SIN3B: variants seen among roughly 807,000 people sequenced by gnomAD.
SIN3B encodes paired amphipathic helix protein Sin3b.
Under a neutral mutation model 120.2 loss-of-function variants are expected in SIN3B, and 19 were observed. That is an observed-to-expected ratio of 0.16 (90% CI 0.11 to 0.23). SIN3B has a LOEUF of 0.23. SIN3B is among the 10% of genes least tolerant of loss of function. SIN3B has a pLI of 1.00. For synonymous variants in SIN3B, 654 were observed against 653.2 expected (o/e 1.00, Z -0.02); for missense variants, 1,073 against 1,573.0 (o/e 0.68, Z 5.38).
intron 5 of SIN3B, among the ~76,000 whole-genome samples, chr19:16,848,018 T>C: frequency 6.6e-6 from 1 of 152,230 alleles, no homozygotes; most frequent in East Asian, 1.9e-4. Flanking sequence ...GTGGCCTTTG[T>C]GTCTGGCTCC....
intron 4 of SIN3B, chr19:16,846,536 T>C (rs1971481038): frequency 6.4e-6 from 1 of 157,134 alleles, no homozygotes; most frequent in African/African-American, 2.4e-5. Flanking sequence ...CTTTAAGGTC[T>C]GGATCAGGCC....
rs1393540351 is a variant in SIN3B, at chr19:16,877,607, G to A, written c.2922G>A (p.Glu974=). 6.2e-7 allele frequency: 1 copy of A among 1,612,270 alleles called. No homozygotes were observed. The highest frequency in any genetic ancestry group is 1.7e-5 in the Admixed American group (1 of 59,822). ...GTEGASSSPT[E]GFLLKPVFLQ... ...AGGGCGCGTCCAGCTCGCCCACTGAGGGCTTCCTCCTGAAACCTGTGTTCC... is the reference window on the plus strand; with the variant it reads ...AGGGCGCGTCCAGCTCGCCCACTGAAGGCTTCCTCCTGAAACCTGTGTTCC... The change falls in exon 17 of 19, where the codon GAG becomes GAA. Residue 974 remains glutamate (E), a synonymous_variant. Coordinates refer to ENST00000248054, the MANE Select transcript of SIN3B (RefSeq NM_001297595.2).
At chr19:16,859,631 A>C (rs972836665) in intron 8 of SIN3B, among the ~76,000 whole-genome samples, 1 of 152,118 alleles carries the variant, frequency 6.6e-6, no homozygotes, top group African/African-American at 2.4e-5. Context: ...CGCCCTGAAG[A>C]ACAGCCCAGA....
chr19:16,869,296 C>G (rs1220037439), intron 12 of SIN3B, among the ~76,000 whole-genome samples, 164 bp from the exon 13 acceptor site: 1 of 152,196 alleles, frequency 6.6e-6, no homozygotes, highest in Non-Finnish European at 1.5e-5. Flanking sequence ...GGCAAGCGAC[C>G]TACCCCCCAG....
At chr19:16,838,608 T>C (rs1971377275) in intron 3 of SIN3B, among the ~76,000 whole-genome samples, 1 of 152,182 alleles carries the variant, frequency 6.6e-6, no homozygotes, top group African/African-American at 2.4e-5. Context: ...TTTCCACCTT[T>C]TGGCTGTTGT....
chr19:16,878,455 G>A, intron 18 of SIN3B, 42 bp from the exon 19 acceptor site: 1 of 1,572,478 alleles, frequency 6.4e-7, no homozygotes, highest in Non-Finnish European at 8.6e-7. Flanking sequence ...GGGCCCTGGG[G>A]GTCCAGCCCT....
intron 12 of SIN3B, among the ~76,000 whole-genome samples, chr19:16,867,546 G>A (rs1971793632): frequency 6.6e-6 from 1 of 152,178 alleles, no homozygotes; most frequent in Non-Finnish European, 1.5e-5. Context: ...CTGAGGAGGT[G>A]GCTTAGGAGG....
intron 3 of SIN3B, among the ~76,000 whole-genome samples, chr19:16,835,968 G>A (rs2144576331): frequency 6.6e-6 from 1 of 152,232 alleles, no homozygotes; most frequent in Admixed American, 6.5e-5. Context: ...AGTTTTTCTA[G>A]TTTGACTGTT....
At position 16,867,442 on chromosome 19, in the gene SIN3B, G is replaced by A. The variant is rs564750935; in HGVS notation, c.1806+886G>A. 1.2e-4 allele frequency among the ~76,000 whole-genome samples: 19 copies of A among 152,320 alleles called. 1 individual carries two copies. The highest frequency in any genetic ancestry group is 9.8e-4 in the Admixed American group (15 of 15,308). ...GAGCTGGGCCTGTTAGTAGCTGTGT[G>A]TAGGGAGTGCCTGCTTGCAGGATCC... is the stretch of plus-strand genomic sequence containing the variant. On this transcript the variant is annotated intron_variant, in intron 12 of 18. Coordinates refer to ENST00000248054, the MANE Select transcript of SIN3B (RefSeq NM_001297595.2).
chr19:16,866,476 G>T lies in SIN3B; in HGVS notation c.1726G>T (p.Ala576Ser). The change falls in exon 12 of 19, where the codon GCT (alanine) becomes TCT (serine). Residue 576 changes from alanine (A) to serine (S), a missense_variant. This residue lies in a region of SIN3B where 118 missense variants were observed against 281.6 expected (regional missense o/e 0.42). Transcript: ENST00000248054. Reference protein sequence around the residue: ...KAYLKSLDHQAVNFKQNDTKA... With the variant: ...KAYLKSLDHQSVNFKQNDTKA... ...GTACCTCAAGTCCCTTGACCACCAGGCTGTGAACTTCAAGCAGAACGACAC... is the reference window on the plus strand; with the variant it reads ...GTACCTCAAGTCCCTTGACCACCAGTCTGTGAACTTCAAGCAGAACGACAC... 6.2e-7 allele frequency: 1 copy of T among 1,613,996 alleles called. No homozygotes were observed. The highest frequency in any genetic ancestry group is 2.2e-5 in the East Asian group (1 of 44,856).
chr19:16,863,182 A>G (rs1971713387), intron 9 of SIN3B: 4 of 541,004 alleles, frequency 7.4e-6, no homozygotes, highest in South Asian at 2.5e-5. Context: ...GAATTTACCA[A>G]TGTCTGAAAT....
In SIN3B at chr19:16,846,691, G is replaced by A. The variant is rs118107038; in HGVS notation, c.583-279G>A. 5.5e-4 allele frequency among the ~76,000 whole-genome samples: 83 copies of A among 151,956 alleles called. 1 individual carries two copies. The East Asian group carries it at 8.9e-3, about 16-fold the overall frequency. On this transcript the variant is annotated intron_variant, in intron 4 of 18. Coordinates refer to ENST00000248054, the MANE Select transcript of SIN3B (RefSeq NM_001297595.2). ...TTCGCCCCTGACCTTGTACTTCCCCGGCCCACCCCTGATTACAGCCAGCCT... is the reference window on the plus strand; with the variant it reads ...TTCGCCCCTGACCTTGTACTTCCCCAGCCCACCCCTGATTACAGCCAGCCT...
chr19:16,829,506 C>G lies in SIN3B; in HGVS notation c.86C>G (p.Ser29Trp), dbSNP rs957542038. 5.7e-6 allele frequency: 7 copies of G among 1,224,570 alleles called. No individual in the cohort carries two copies. The African/African-American group carries it at 1.1e-4, about 19-fold the overall frequency. 75.9% of individuals were successfully genotyped at this position (1,224,570 alleles called of 1,614,324 possible). ...CTGAGCGGCGCCCGCTGGGGTCGCTCGGGCTCCGCAGGCCACGAGAAGCTG... is the reference window on the plus strand; with the variant it reads ...CTGAGCGGCGCCCGCTGGGGTCGCTGGGGCTCCGCAGGCCACGAGAAGCTG... ...RGLSGARWGR[S>W]GSAGHEKLPV... Residue 29 changes from serine (S) to tryptophan (W), a missense_variant, in exon 1 of 19, where the codon TCG (serine) becomes TGG (tryptophan). Ser to Trp is a radical substitution (Grantham distance 177). Coordinates refer to ENST00000248054, the MANE Select transcript of SIN3B (RefSeq NM_001297595.2).
intron 3 of SIN3B, among the ~76,000 whole-genome samples, chr19:16,840,728 A>C (rs1380303164): frequency 6.6e-6 from 1 of 152,140 alleles, no homozygotes; most frequent in Non-Finnish European, 1.5e-5. Flanking sequence ...ATCATCCCCA[A>C]CAGTGGGTGA....
rs1318182533 is a variant in SIN3B at position 16,876,014 on chromosome 19, A to C, written c.2593-41A>C. On this transcript the variant is annotated intron_variant, in intron 14 of 18. Transcript: ENST00000248054. This position sits in a 1 kb window ranked among gnomAD's most constrained non-coding sequence, Gnocchi z 7.1. ...CTGTGGGTGAGGTGGGGACTCCCGC[A>C]GGAGGCGGGGTGGCCGCACCACCTG... The C allele has an allele frequency of 1.3e-6, 2 of 1,523,274 alleles. No homozygotes were observed. The highest frequency in any genetic ancestry group is 1.8e-6 in the Non-Finnish European group (2 of 1,132,758). 94.4% of individuals were successfully genotyped at this position (1,523,274 alleles called of 1,614,324 possible). A position where few individuals can be genotyped will look rare whatever the true frequency, so the allele number is the denominator to read the frequency against.
At chr19:16,842,842 T>C (rs915887918) in intron 4 of SIN3B, among the ~76,000 whole-genome samples, 7 of 152,126 alleles carry the variant, frequency 4.6e-5, no homozygotes, top group African/African-American at 1.7e-4. Flanking sequence ...GACAGTCAGG[T>C]TGAATCTTGA....
intron 1 of SIN3B, 45 bp from the exon 2 acceptor site, chr19:16,829,746 T>C (rs749204844): frequency 1.4e-6 from 2 of 1,480,010 alleles, no homozygotes; most frequent in Non-Finnish European, 9.3e-7. Context: ...CCTCGTCCCC[T>C]CGTTCCGCGG....
Position 16,862,496 on chromosome 19 carries a change from C to T in SIN3B, c.1203C>T (p.Tyr401=). 6.2e-7 allele frequency: 1 copy of T among 1,614,162 alleles called. No individual in the cohort carries two copies. ...CCTGCAAGCGCATAGGATCCAGCTACCGGGCACTCCCCAAAACCTACCAGC... is the reference window on the plus strand; with the variant it reads ...CCTGCAAGCGCATAGGATCCAGCTATCGGGCACTCCCCAAAACCTACCAGC... ...YASCKRIGSS[Y]RALPKTYQQP... The change falls in exon 9 of 19, where the codon TAC becomes TAT. Residue 401 remains tyrosine, a synonymous_variant. Coordinates refer to ENST00000248054, the MANE Select transcript of SIN3B (RefSeq NM_001297595.2). This position sits in a 1 kb window ranked among gnomAD's most constrained non-coding sequence, Gnocchi z 4.7.
In SIN3B at chr19:16,831,585, G is replaced by A; in HGVS notation, c.319G>A (p.Gly107Arg). 6.2e-7 allele frequency: 1 copy of A among 1,613,892 alleles called. No homozygotes were observed. Among genetic ancestry groups the A allele is most frequent in the Non-Finnish European group, 8.5e-7 (1 of 1,179,954 alleles). Residue 107 changes from glycine to arginine, a missense_variant, in exon 3 of 19, where the codon GGA (glycine) becomes AGA (arginine). Gly to Arg is a moderately radical substitution (Grantham distance 125). Coordinates refer to ENST00000248054, the MANE Select transcript of SIN3B (RefSeq NM_001297595.2). Reference sequence around the variant, plus strand: ...TGGATTCAACGCTTTTCTTCCCCTCGGATATAGAATAGACATTCCCAAGAA... The same window carrying A: ...TGGATTCAACGCTTTTCTTCCCCTCAGATATAGAATAGACATTCCCAAGAA... ...IVGFNAFLPL[G>R]YRIDIPKNGK...
Sources: allele counts gnomAD v4.1 joint callset (sites outside exome capture counted in the v4.1 genomes callset), GRCh38; gene constraint gnomAD v4.1.1; regional missense constraint gnomAD v4.1.1; non-coding constraint Gnocchi (gnomAD v3.1); transcripts MANE v1.5; gene names NCBI Gene and HGNC (gene_info 2026-07-23, HGNC 2026-07-21).